Variants in ZSCAN5A observed in about 807,000 individuals in gnomAD.
The protein encoded by ZSCAN5A is zinc finger and SCAN domain containing 5A.
ZSCAN5A carries 12 observed loss-of-function variants against 23.7 expected under a neutral mutation model. The ratio of observed to expected loss-of-function variants is 0.51; its 90% CI spans 0.32 to 0.82. ZSCAN5A has a LOEUF of 0.82. Among genes scored for constraint, ZSCAN5A ranks in the 40% least tolerant of loss-of-function variants. The pLI is 0.03. For missense variants in ZSCAN5A, 597 were observed against 617.9 expected (o/e 0.97, Z 0.36); for synonymous variants, 257 against 239.9 (o/e 1.07, Z -0.66).
At chr19:56,344,927 A>AAG (rs1415412123) in intron 2 of ZSCAN5A, among the ~76,000 whole-genome samples, 12 of 148,050 alleles carry the variant, frequency 8.1e-5, no homozygotes, top group African/African-American at 2.5e-4. Context: ...AAAAAAAAAA[A>AAG]AAAAAAAAGA....
chr19:56,240,871 G>A (rs73621033), intron 2 of ZSCAN5A, among the ~76,000 whole-genome samples: 6,287 of 152,048 alleles, frequency 0.041, 436 homozygotes, highest in African/African-American at 0.14. Context: ...CAACAGGCCC[G>A]GCTACATTTT....
At chr19:56,293,357 G>A (rs558050703) in intron 2 of ZSCAN5A, among the ~76,000 whole-genome samples, 1 of 152,062 alleles carries the variant, frequency 6.6e-6, no homozygotes, top group African/African-American at 2.4e-5. Flanking sequence ...GATCCCAAAC[G>A]GTGCTATTAA....
chr19:56,225,638 C>T lies in ZSCAN5A; in HGVS notation c.-127-465G>A, dbSNP rs1212679456. 5.3e-5 allele frequency among the ~76,000 whole-genome samples: 8 copies of T among 152,314 alleles called. No homozygotes were observed. In the East Asian group the frequency reaches 1.3e-3, roughly 26 times the overall value. ...TTTACTTGCTCCAGGGAAGGGACAG[C>T]ATTAAAGGATCCTATGAGGATTAAG... On this transcript the variant is annotated intron_variant, in intron 2 of 5. Coordinates refer to ENST00000683990, the MANE Select transcript of ZSCAN5A (RefSeq NM_001322064.3).
At position 56,246,555 on chromosome 19, in the gene ZSCAN5A, T is replaced by C. The variant is rs958869908; in HGVS notation, c.-127-21382A>G. The C allele has an allele frequency of 9.1e-6, 6 of 656,228 alleles. No homozygotes were observed. In the African/African-American group the frequency reaches 1.1e-4, roughly 12 times the overall value. 40.7% of individuals were successfully genotyped at this position (656,228 alleles called of 1,614,324 possible). ...CCCAGCATTATCATGTCTGGGGGAG[T>C]TGGCACTCAGCTGCCAAAGCCTCTC... is the stretch of plus-strand genomic sequence containing the variant. On this transcript the variant is annotated intron_variant, in intron 2 of 5. Coordinates refer to ENST00000683990, the MANE Select transcript of ZSCAN5A (RefSeq NM_001322064.3).
intron 2 of ZSCAN5A, among the ~76,000 whole-genome samples, chr19:56,360,385 T>G (rs906699404): frequency 1.3e-5 from 2 of 152,052 alleles, no homozygotes; most frequent in African/African-American, 4.8e-5. Context: ...GAAGGACCTC[T>G]TCAAGGAGAA....
chr19:56,223,808 T>C lies in ZSCAN5A; in HGVS notation c.411A>G (p.Glu137=). Residue 137 remains glutamate (E), a synonymous_variant, in exon 4 of 6, where the codon GAA becomes GAG. Coordinates refer to ENST00000683990, the MANE Select transcript of ZSCAN5A (RefSeq NM_001322064.3). ...CGATATCTGAGTCCTGCACAATATA[T>C]TCCTTTCCGTGGAAGGTGACCACAG... ...KWSVVTFHGK[E]YIVQDSDIEM... 1.9e-6 allele frequency: 3 copies of C among 1,613,096 alleles called. No individual in the cohort carries two copies. The highest frequency in any genetic ancestry group is 1.7e-5 in the Admixed American group (1 of 60,012).
chr19:56,332,992 C>T (rs114446731), intron 2 of ZSCAN5A, among the ~76,000 whole-genome samples: 2,560 of 152,214 alleles, frequency 0.017, 74 homozygotes, highest in African/African-American at 0.059. Flanking sequence ...GCCTTCAATC[C>T]CTTCCAGCTT....
At position 56,302,660 on chromosome 19, in the gene ZSCAN5A, T is replaced by C. The variant is rs557239890; in HGVS notation, c.-128+10623A>G. The stretch of plus-strand genomic sequence containing the variant: ...CCCTTCCTTTTCTTCCCCCCCTCCC[T>C]GTTCTTTCCTTCCTCCTTCCCTCCT... On this transcript the variant is annotated intron_variant, in intron 2 of 5. Coordinates refer to ENST00000683990, the MANE Select transcript of ZSCAN5A (RefSeq NM_001322064.3). Among the ~76,000 whole-genome samples, 243 of 88,674 alleles carry C rather than the reference T, an allele frequency of 2.7e-3. 1 individual carries two copies. Among genetic ancestry groups the C allele is most frequent in the Middle Eastern group, 7.2e-3 (1 of 138 alleles). 58.2% of individuals were successfully genotyped at this position (88,674 alleles called of 152,430 possible).
rs917796182 is a variant in ZSCAN5A, at chr19:56,352,902, G to C, written c.-358+10333C>G. Among the ~76,000 whole-genome samples, 49 of 152,230 alleles carry C rather than the reference G, an allele frequency of 3.2e-4. No individual in the cohort carries two copies. Among genetic ancestry groups the C allele is most frequent in the Non-Finnish European group, 4.4e-5 (3 of 68,044 alleles). The stretch of plus-strand genomic sequence containing the variant: ...AGGAGAAGGTCTTTGCCAGATGGCA[G>C]TGTTTCGATCTATTACACTACAGAC... On this transcript the variant is annotated intron_variant, in intron 2 of 6. Transcript: ENST00000587340. This position sits in a 1 kb window ranked among gnomAD's most constrained non-coding sequence, Gnocchi z 4.2.
intron 2 of ZSCAN5A, among the ~76,000 whole-genome samples, chr19:56,241,864 G>C (rs1399949547): frequency 6.6e-6 from 1 of 151,888 alleles, no homozygotes; most frequent in African/African-American, 2.4e-5. Context: ...TTTTAGATTC[G>C]CTGGGTGCCT....
chr19:56,327,968 AT>A (rs1030586030), intron 2 of ZSCAN5A, among the ~76,000 whole-genome samples: 13 of 152,124 alleles, frequency 8.5e-5, no homozygotes, highest in African/African-American at 3.1e-4. Flanking sequence ...ATTAGTACAT[AT>A]TTTGATACAT....
intron 2 of ZSCAN5A, among the ~76,000 whole-genome samples, chr19:56,230,931 T>C (rs916144185): frequency 9.9e-5 from 15 of 152,218 alleles, no homozygotes; most frequent in Admixed American, 9.8e-4. Context: ...ATGTCGTTTA[T>C]TGAACATTGT....
At chr19:56,299,082 C>T (rs2040064149) in intron 2 of ZSCAN5A, among the ~76,000 whole-genome samples, 1 of 152,098 alleles carries the variant, frequency 6.6e-6, no homozygotes, top group Non-Finnish European at 1.5e-5. Context: ...AAAACAAGCA[C>T]ATTATCATTT....
intron 2 of ZSCAN5A, among the ~76,000 whole-genome samples, chr19:56,344,855 A>G (rs183924555): frequency 0.01 from 1,373 of 132,764 alleles, 26 homozygotes; most frequent in African/African-American, 0.036. Flanking sequence ...GTGAGCCGAG[A>G]TTGCGCCACT....
At chr19:56,233,038 A>C (rs959491060) in intron 2 of ZSCAN5A, among the ~76,000 whole-genome samples, 1 of 152,214 alleles carries the variant, frequency 6.6e-6, no homozygotes, top group African/African-American at 2.4e-5. Context: ...GAAGTCAGAA[A>C]GCTACTCTAT....
chr19:56,236,208 C>T (rs1313968547), intron 2 of ZSCAN5A, among the ~76,000 whole-genome samples: 1 of 21,496 alleles, frequency 4.7e-5, no homozygotes, highest in Admixed American at 4.2e-4. Context: ...CCACTCCAGC[C>T]TCTGATGGAC....
At chr19:56,223,228 G>A (rs370737974) in intron 4 of ZSCAN5A, among the ~76,000 whole-genome samples, 4 of 152,208 alleles carry the variant, frequency 2.6e-5, no homozygotes, top group East Asian at 3.9e-4. Flanking sequence ...CCATGTGTCC[G>A]GAAAGGCAGA....
At chr19:56,271,698 G>C (rs2037861939) in intron 2 of ZSCAN5A, among the ~76,000 whole-genome samples, 1 of 152,164 alleles carries the variant, frequency 6.6e-6, no homozygotes, top group South Asian at 2.1e-4. Context: ...CCCTGCAAGA[G>C]TGGACATCCC....
intron 2 of ZSCAN5A, chr19:56,247,197 C>A: frequency 1.8e-6 from 1 of 548,820 alleles, no homozygotes; most frequent in Non-Finnish European, 3.3e-6. Flanking sequence ...TCCGCGTCCA[C>A]CAGCGAATCC....
Sources: allele counts gnomAD v4.1 joint callset (sites outside exome capture counted in the v4.1 genomes callset), GRCh38; gene constraint gnomAD v4.1.1; non-coding constraint Gnocchi (gnomAD v3.1); transcripts MANE v1.5; gene names NCBI Gene and HGNC (gene_info 2026-07-23, HGNC 2026-07-21).